GALNTL6: variants seen among roughly 807,000 people sequenced by gnomAD.
GALNTL6 encodes the protein polypeptide N-acetylgalactosaminyltransferase-like 6.
Under a neutral mutation model 73.7 loss-of-function variants are expected in GALNTL6, and 46 were observed. The observed-to-expected ratio is 0.62, with a 90% CI of 0.49 to 0.80. The LOEUF (loss-of-function observed/expected upper bound fraction) is 0.80. Ranked by LOEUF, GALNTL6 falls within the 30% of genes least tolerant of loss-of-function variation. GALNTL6 has a pLI of 0.00. For missense variants in GALNTL6, 604 were observed against 755.0 expected, an observed-to-expected ratio of 0.80 and a Z score of 2.34; for synonymous variants, 259 against 263.7, an observed-to-expected ratio of 0.98 and a Z score of 0.17.
intron 10 of GALNTL6, among the ~76,000 whole-genome samples, chr4:172,963,129 T>G (rs1298705593): frequency 6.6e-6 from 1 of 152,126 alleles, no homozygotes; most frequent in African/African-American, 2.4e-5. Context: ...CCCACTGTCC[T>G]CGTCACCAGT....
intron 8 of GALNTL6, among the ~76,000 whole-genome samples, chr4:172,900,445 T>C (rs1461292493): frequency 1.3e-5 from 2 of 152,154 alleles, no homozygotes; most frequent in African/African-American, 4.8e-5. Flanking sequence ...CCCTACCTAA[T>C]GGTTTCTCTC....
rs189585689 is a variant in GALNTL6, at chr4:172,359,096, G to A, written c.553+10407G>A. 3.3e-5 allele frequency among the ~76,000 whole-genome samples: 5 copies of A among 152,226 alleles called. No individual in the cohort carries two copies. The East Asian group carries it at 9.7e-4, about 29-fold the overall frequency. ...CACATGCACACAAATGTTCACTGCA[G>A]CACTATTCACATTAGCAAAAACATG... On this transcript the variant is annotated intron_variant, in intron 5 of 12. Coordinates refer to ENST00000506823, the MANE Select transcript of GALNTL6 (RefSeq NM_001034845.3).
intron 5 of GALNTL6, among the ~76,000 whole-genome samples, chr4:172,456,539 G>T (rs1732404731): frequency 6.6e-6 from 1 of 151,634 alleles, no homozygotes; most frequent in South Asian, 2.1e-4. Flanking sequence ...CACAGCACAA[G>T]AACTTTGTGA....
chr4:171,911,411 C>T (rs1737474140), intron 2 of GALNTL6, among the ~76,000 whole-genome samples: 1 of 152,194 alleles, frequency 6.6e-6, no homozygotes, highest in Non-Finnish European at 1.5e-5. Context: ...CTCGGCCTCC[C>T]AAAGTGCTGG....
chr4:172,477,641 A>G (rs965507620), intron 5 of GALNTL6, among the ~76,000 whole-genome samples: 5 of 152,232 alleles, frequency 3.3e-5, no homozygotes, highest in East Asian at 1.9e-4. Flanking sequence ...ATGATGAACA[A>G]CAGATCTCAG....
rs532545944 is a variant in GALNTL6 at position 172,651,943 on chromosome 4, A to G, written c.554-157418A>G. 7.2e-5 allele frequency among the ~76,000 whole-genome samples: 11 copies of G among 152,316 alleles called. No individual in the cohort carries two copies. The South Asian group carries it at 2.1e-3, about 29-fold the overall frequency. ...TTATGTTCCCAAAGACCAGAGACAT[A>G]AAGAGGTCCCAGGTTGGCTAATGGA... is the stretch of plus-strand genomic sequence containing the variant. On this transcript the variant is annotated intron_variant, in intron 5 of 12. Coordinates refer to ENST00000506823, the MANE Select transcript of GALNTL6 (RefSeq NM_001034845.3).
chr4:172,918,097 G>C (rs1287158183), intron 8 of GALNTL6, among the ~76,000 whole-genome samples: 1 of 152,090 alleles, frequency 6.6e-6, no homozygotes, highest in African/African-American at 2.4e-5. Context: ...TAGGGACATG[G>C]ATGAAGCTGG....
chr4:172,030,024 C>T (rs1426060180), intron 2 of GALNTL6, among the ~76,000 whole-genome samples: 1 of 152,106 alleles, frequency 6.6e-6, no homozygotes, highest in Admixed American at 6.6e-5. Flanking sequence ...ACTTTTGCTA[C>T]AGCAATCCTG....
At chr4:172,094,448 G>C (rs1358424159) in intron 2 of GALNTL6, among the ~76,000 whole-genome samples, 1 of 151,726 alleles carries the variant, frequency 6.6e-6, no homozygotes, top group Non-Finnish European at 1.5e-5. Flanking sequence ...TCAAAATTGG[G>C]GAAAAAACTT....
At chr4:172,404,707 G>C (rs1397356134) in intron 5 of GALNTL6, among the ~76,000 whole-genome samples, 5 of 152,078 alleles carry the variant, frequency 3.3e-5, no homozygotes, top group Admixed American at 3.3e-4. Context: ...CAACAGGCCT[G>C]CGATTGCCTG....
chr4:172,452,112 C>T (rs981618637), intron 5 of GALNTL6, among the ~76,000 whole-genome samples: 21 of 151,938 alleles, frequency 1.4e-4, no homozygotes, highest in African/African-American at 3.9e-4. Flanking sequence ...AACCTGCAAA[C>T]GAAATTGATA....
chr4:172,945,063 A>T (rs919809626), intron 9 of GALNTL6, among the ~76,000 whole-genome samples: 2 of 151,948 alleles, frequency 1.3e-5, no homozygotes, highest in Admixed American at 6.5e-5. Flanking sequence ...CATCTCAAAA[A>T]AAAAAAAAAG....
intron 5 of GALNTL6, among the ~76,000 whole-genome samples, chr4:172,558,234 AC>A (rs1231248831): frequency 6.6e-6 from 1 of 152,216 alleles, no homozygotes; most frequent in Non-Finnish European, 1.5e-5. Context: ...TGACAAGAGA[AC>A]AGCATGAACA....
chr4:172,378,657 A>G (rs1458646041), intron 5 of GALNTL6, among the ~76,000 whole-genome samples: 1 of 152,110 alleles, frequency 6.6e-6, no homozygotes, highest in Non-Finnish European at 1.5e-5. Context: ...TTACTACTCT[A>G]GAAGTTTTTT....
At chr4:172,051,291 C>T (rs554184527) in intron 2 of GALNTL6, among the ~76,000 whole-genome samples, 16 of 152,162 alleles carry the variant, frequency 1.1e-4, no homozygotes, top group Admixed American at 2.6e-4. Flanking sequence ...CCCAAGTGGG[C>T]GTGTATTACA....
intron 2 of GALNTL6, among the ~76,000 whole-genome samples, chr4:171,926,855 T>C (rs1737998560): frequency 6.6e-6 from 1 of 152,166 alleles, no homozygotes; most frequent in African/African-American, 2.4e-5. Context: ...TACTAACTCT[T>C]CGTTAGTTTT....
chr4:172,074,361 G>A (rs2110908287), intron 2 of GALNTL6, among the ~76,000 whole-genome samples: 1 of 152,286 alleles, frequency 6.6e-6, no homozygotes, highest in African/African-American at 2.4e-5. Context: ...ATAAAACCTT[G>A]TGGGGAGAAG....
intron 8 of GALNTL6, among the ~76,000 whole-genome samples, chr4:172,919,266 G>A (rs1747676767): frequency 6.6e-6 from 1 of 152,200 alleles, no homozygotes; most frequent in South Asian, 2.1e-4. Flanking sequence ...GAGTCTCTTG[G>A]TGGCCTGAGG....
intron 5 of GALNTL6, among the ~76,000 whole-genome samples, chr4:172,658,149 C>CAAAAAAAAA (rs58279803): frequency 0.024 from 119 of 5,010 alleles, 28 homozygotes; most frequent in African/African-American, 0.063. Flanking sequence ...GACTCCGTCT[C>CAAAAAAAAA]AAAAAAAAAA....
Sources: gnomAD v4.1 joint callset for allele counts (sites outside exome capture counted in the v4.1 genomes callset) on GRCh38, gnomAD v4.1.1 for gene constraint, MANE v1.5 for transcripts, NCBI Gene and HGNC (gene_info 2026-07-23, HGNC 2026-07-21) for gene names.